Variants in ZNF438 observed in about 807,000 individuals in gnomAD.
ZNF438 encodes the protein zinc finger protein 438.
A neutral mutation model predicts 38.0 loss-of-function variants in ZNF438; 25 were observed. The ratio of observed to expected loss-of-function variants is 0.66; its 90% CI spans 0.48 to 0.92. The LOEUF (loss-of-function observed/expected upper bound fraction) is 0.92. Ranked by LOEUF, ZNF438 falls within the 40% of genes least tolerant of loss-of-function variation. The pLI is 0.00. For synonymous variants in ZNF438, 372 were observed against 364.1 expected, an observed-to-expected ratio of 1.02 and a Z score of -0.25; for missense variants, 1,007 against 999.6, an observed-to-expected ratio of 1.01 and a Z score of -0.10.
At chr10:30,923,999 T>C (rs1463521350) in intron 2 of ZNF438, among the ~76,000 whole-genome samples, 2 of 152,252 alleles carry the variant, frequency 1.3e-5, no homozygotes, top group South Asian at 4.1e-4. Flanking sequence ...AACTTCTCAA[T>C]AAAGGACTTA....
chr10:30,951,444 A>T (rs1344788468), intron 1 of ZNF438, among the ~76,000 whole-genome samples: 9 of 152,068 alleles, frequency 5.9e-5, no homozygotes, highest in Non-Finnish European at 1.2e-4. Flanking sequence ...AATTAGGAAA[A>T]GAGGAAGTCA....
intron 1 of ZNF438, among the ~76,000 whole-genome samples, chr10:30,982,890 C>T (rs1341884234): frequency 6.6e-6 from 1 of 152,136 alleles, no homozygotes; most frequent in East Asian, 1.9e-4. Context: ...TATTTTAGCT[C>T]AATTACAGAA....
rs555045178 is a variant in ZNF438 at position 30,930,257 on chromosome 10, C to T, written c.-115+11318G>A. 4.8e-4 allele frequency among the ~76,000 whole-genome samples: 73 copies of T among 152,140 alleles called. 1 individual carries two copies. The East Asian group carries it at 0.011, about 23-fold the overall frequency. ...CTGAGACCCGGCAAGAATTCAAGCACGACGTGGGTGGGCTGGCAGTGTTGG... is the reference window on the plus strand; with the variant it reads ...CTGAGACCCGGCAAGAATTCAAGCATGACGTGGGTGGGCTGGCAGTGTTGG... On this transcript the variant is annotated intron_variant, in intron 2 of 5. Transcript: ENST00000413025.
chr10:30,844,706 T>C lies in ZNF438; in HGVS notation c.*255A>G, dbSNP rs143579887. 985 of 393,726 alleles carry C rather than the reference T, an allele frequency of 2.5e-3. 12 individuals are homozygous for C. The highest frequency in any genetic ancestry group is 0.019 in the African/African-American group (923 of 49,094). 24.4% of individuals were successfully genotyped at this position (393,726 alleles called of 1,614,324 possible). A position where few individuals can be genotyped will look rare whatever the true frequency, so the allele number is the denominator to read the frequency against. On this transcript the variant is annotated 3_prime_UTR_variant, in exon 6 of 6. Coordinates refer to ENST00000413025, the Ensembl canonical transcript of ZNF438. ...TTCAATCTTCAAATTTTGATCTTTT[T>C]ATTTATTCTGAAAGTCTAAGATATT...
At chr10:30,939,551 T>C (rs2046602048) in intron 2 of ZNF438, among the ~76,000 whole-genome samples, 1 of 152,202 alleles carries the variant, frequency 6.6e-6, no homozygotes, top group Admixed American at 6.5e-5. Flanking sequence ...GAAAACCCCA[T>C]TTACCATCCT....
intron 1 of ZNF438, among the ~76,000 whole-genome samples, chr10:31,013,611 G>GAGGAAGGTGCC (rs1363385842): frequency 1.1e-4 from 17 of 152,102 alleles, no homozygotes. Flanking sequence ...TGGCACTGTG[G>GAGGAAGGTGCC]AGGAAGGTGC....
intron 1 of ZNF438, among the ~76,000 whole-genome samples, chr10:31,029,323 A>G (rs1352860171): frequency 6.1e-5 from 3 of 49,072 alleles, no homozygotes; most frequent in African/African-American, 1.5e-4. Context: ...TTACGCTTAC[A>G]TAATACTATT....
At chr10:30,847,319 A>G (rs1438837341) in intron 5 of ZNF438, among the ~76,000 whole-genome samples, 1 of 152,142 alleles carries the variant, frequency 6.6e-6, no homozygotes, top group Non-Finnish European at 1.5e-5. Context: ...ACTTAGCCAG[A>G]CTTGAAGAGA....
chr10:30,966,823 C>T (rs1365679025), intron 1 of ZNF438, among the ~76,000 whole-genome samples: 1 of 151,988 alleles, frequency 6.6e-6, no homozygotes, highest in Non-Finnish European at 1.5e-5. Context: ...ATCTACCCAC[C>T]CCCCTGTAAA....
At chr10:30,977,628 A>G (rs2051532663) in intron 1 of ZNF438, among the ~76,000 whole-genome samples, 1 of 152,196 alleles carries the variant, frequency 6.6e-6, no homozygotes, top group African/African-American at 2.4e-5. Flanking sequence ...GCAGAGAAGC[A>G]CAGTTTCTAG....
chr10:30,903,122 C>G (rs571487537), intron 3 of ZNF438, among the ~76,000 whole-genome samples: 1 of 152,214 alleles, frequency 6.6e-6, no homozygotes, highest in Admixed American at 6.5e-5. Context: ...CACGCCCACC[C>G]GGAACTCTAG....
rs187077743 is a variant in ZNF438, at chr10:30,949,274, C to T, written c.-191-7623G>A. On this transcript the variant is annotated intron_variant, in intron 1 of 5. Transcript: ENST00000413025. ...AGCGCTAAACATGGAAAGGAAAAAC[C>T]GGTACCAGCCACTGCAAAATCATGC... Among the ~76,000 whole-genome samples the T allele has an allele frequency of 0.023, 3,422 of 152,048 alleles. 307 individuals are homozygous for T. In the East Asian group the frequency reaches 0.31, roughly 14 times the overall value.
exon 5 of ZNF438, chr10:30,848,822 G>A: frequency 6.2e-7 from 1 of 1,614,218 alleles, no homozygotes; most frequent in East Asian, 2.2e-5. Context: ...GTTGGTGTGT[G>A]TATTCATGTG....
intron 4 of ZNF438, among the ~76,000 whole-genome samples, chr10:30,852,588 C>T (rs773811909): frequency 2.6e-5 from 4 of 152,096 alleles, no homozygotes; most frequent in South Asian, 4.1e-4. Context: ...GAAATGACAC[C>T]GCCTAAATAA....
intron 1 of ZNF438, among the ~76,000 whole-genome samples, chr10:30,951,075 G>T (rs1387533722): frequency 7.1e-6 from 1 of 141,494 alleles, no homozygotes. Flanking sequence ...TCATCCCTGG[G>T]ATGCAAGGCT....
At chr10:30,876,235 G>C (rs75280765) in intron 4 of ZNF438, among the ~76,000 whole-genome samples, 4,612 of 152,220 alleles carry the variant, frequency 0.03, 207 homozygotes, top group African/African-American at 0.1. Flanking sequence ...AAAGCTACAT[G>C]TTCCACTAAG....
At chr10:30,939,766 T>G (rs966093923) in intron 2 of ZNF438, among the ~76,000 whole-genome samples, 2 of 152,220 alleles carry the variant, frequency 1.3e-5, no homozygotes, top group African/African-American at 4.8e-5. Context: ...TCTGTCCTAT[T>G]TCTAGAGCAT....
At position 30,848,869 on chromosome 10, in the gene ZNF438, G is replaced by T; in HGVS notation, c.1536C>A (p.Cys512Ter). The stretch of plus-strand genomic sequence containing the variant: ...GCTGTTTGAACTGGAAGTGGTGGTT[G>T]CAGACGTGACATCTGTGCCAAGGCT... Residue 512 changes from cysteine to a stop codon, truncating the protein, a stop_gained, in exon 5 of 6, where the codon TGC becomes TGA. Transcript: ENST00000413025. LOFTEE classifies it high-confidence loss of function. 6.2e-7 allele frequency: 1 copy of T among 1,614,220 alleles called. No homozygotes were observed.
At chr10:30,929,199 C>T (rs1326507170) in intron 2 of ZNF438, among the ~76,000 whole-genome samples, 2 of 152,216 alleles carry the variant, frequency 1.3e-5, no homozygotes, top group African/African-American at 2.4e-5. Context: ...AAGACTGTGT[C>T]TGAAATTGGT....
Sources: allele counts gnomAD v4.1 joint callset (sites outside exome capture counted in the v4.1 genomes callset), GRCh38; gene constraint gnomAD v4.1.1; transcripts MANE v1.5; gene names NCBI Gene and HGNC (gene_info 2026-07-23, HGNC 2026-07-21).